SYN3: variants seen among roughly 807,000 people sequenced by gnomAD.
SYN3 encodes synapsin-3.
Under a neutral mutation model 65.8 loss-of-function variants are expected in SYN3, and 35 were observed. That is an observed-to-expected ratio of 0.53 (90% CI 0.41 to 0.70). The LOEUF (loss-of-function observed/expected upper bound fraction) is 0.70, where lower values mean the gene tolerates loss of function less well. Ranked by LOEUF, SYN3 falls within the 30% of genes least tolerant of loss-of-function variation. The pLI is 0.00. For missense variants in SYN3, 680 were observed against 749.0 expected, an observed-to-expected ratio of 0.91 and a Z score of 1.08; for synonymous variants, 270 against 292.9, an observed-to-expected ratio of 0.92 and a Z score of 0.80.
At chr22:32,632,845 G>A (rs2059764544) in intron 6 of SYN3, among the ~76,000 whole-genome samples, 1 of 152,188 alleles carries the variant, frequency 6.6e-6, no homozygotes, top group Non-Finnish European at 1.5e-5. Context: ...ACGCATACAG[G>A]GTTTGCAAGA....
intron 7 of SYN3, 39 bp from the exon 8 acceptor site, chr22:32,541,752 C>CGCG: frequency 6.2e-7 from 1 of 1,601,824 alleles, no homozygotes. Context: ...CCACCCACCC[C>CGCG]GTGTTCACTG....
At chr22:32,692,639 T>C (rs1261992839) in intron 6 of SYN3, among the ~76,000 whole-genome samples, 2 of 152,162 alleles carry the variant, frequency 1.3e-5, no homozygotes, top group African/African-American at 2.4e-5. Context: ...CCTCAAAAAA[T>C]GACAGCCATT....
chr22:32,765,541 G>A (rs1196087551), intron 6 of SYN3, among the ~76,000 whole-genome samples: 1 of 152,270 alleles, frequency 6.6e-6, no homozygotes, highest in East Asian at 1.9e-4. Flanking sequence ...GGGTGGTGAC[G>A]ATAATGAGAA....
intron 6 of SYN3, among the ~76,000 whole-genome samples, chr22:32,617,501 G>A (rs1601769643): frequency 6.6e-6 from 1 of 150,738 alleles, no homozygotes; most frequent in East Asian, 1.9e-4. Context: ...AAGAGAGAGA[G>A]CCCCTTGTTC....
At chr22:32,716,812 C>T (rs947832606) in intron 6 of SYN3, among the ~76,000 whole-genome samples, 5 of 152,174 alleles carry the variant, frequency 3.3e-5, no homozygotes, top group Non-Finnish European at 5.9e-5. Flanking sequence ...TGTGAGCCAA[C>T]ACGCCCTCTC....
intron 4 of SYN3, among the ~76,000 whole-genome samples, chr22:32,916,784 T>C (rs971244974): frequency 1.3e-5 from 2 of 152,188 alleles, no homozygotes; most frequent in Non-Finnish European, 2.9e-5. Context: ...ATTATTCACA[T>C]CACGAAAGGT....
intron 6 of SYN3, among the ~76,000 whole-genome samples, chr22:32,827,449 C>T (rs985076794): frequency 6.6e-6 from 1 of 152,236 alleles, no homozygotes; most frequent in Non-Finnish European, 1.5e-5. Context: ...CCTACTTGTA[C>T]AAATGGATTT....
At chr22:32,767,822 C>T (rs56228180) in intron 6 of SYN3, among the ~76,000 whole-genome samples, 1,969 of 152,284 alleles carry the variant, frequency 0.013, 19 homozygotes, top group Non-Finnish European at 0.021. Flanking sequence ...CTTGGGGACT[C>T]TTCTCTACCA....
intron 3 of SYN3, among the ~76,000 whole-genome samples, chr22:32,946,309 T>G (rs1332331697): frequency 6.6e-6 from 1 of 152,044 alleles, no homozygotes; most frequent in Non-Finnish European, 1.5e-5. Context: ...CCATCAATGA[T>G]AGACTGGATT....
intron 6 of SYN3, among the ~76,000 whole-genome samples, chr22:32,808,879 T>C (rs1467891120): frequency 6.6e-6 from 1 of 152,160 alleles, no homozygotes; most frequent in East Asian, 1.9e-4. Context: ...AGAAAGAACT[T>C]AGGGCTGCGT....
At chr22:32,596,772 C>T in intron 6 of SYN3, 36 bp from the exon 7 acceptor site, 1 of 1,604,354 alleles carries the variant, frequency 6.2e-7, no homozygotes, top group Non-Finnish European at 8.5e-7. Context: ...CTTAACATCT[C>T]AGAGCATTGC....
Position 32,518,151 on chromosome 22 carries a change from T to G in SYN3, c.1502A>C (p.Lys501Thr), listed in dbSNP as rs2057810299. Reference sequence around the variant, plus strand: ...CTGTGAGGCGAGGGTGGCACCTGGCTTGGAGGCCTGGTTTGGGGAGCTGCC... The same window carrying G: ...CTGTGAGGCGAGGGTGGCACCTGGCGTGGAGGCCTGGTTTGGGGAGCTGCC... ...SSGSSPNQAS[K>T]PGATLASQPR... Residue 501 changes from lysine to threonine, a missense_variant, in exon 13 of 14, where the codon AAG (lysine) becomes ACG (threonine). Lys to Thr is a moderately conservative substitution (Grantham distance 78, BLOSUM62 -1). Transcript: ENST00000358763. 1 of 1,611,972 alleles carries G rather than the reference T, an allele frequency of 6.2e-7. No homozygotes were observed. Among genetic ancestry groups the G allele is most frequent in the Non-Finnish European group, 8.5e-7 (1 of 1,179,098 alleles).
chr22:32,541,185 T>C (rs2058248053), intron 8 of SYN3, among the ~76,000 whole-genome samples: 1 of 152,188 alleles, frequency 6.6e-6, no homozygotes, highest in Non-Finnish European at 1.5e-5. Context: ...GTCACCTTTT[T>C]ATAAACACAG....
At chr22:32,805,027 G>A (rs112068157) in intron 6 of SYN3, among the ~76,000 whole-genome samples, 3 of 4,958 alleles carry the variant, frequency 6.1e-4, no homozygotes, top group Non-Finnish European at 1.2e-3. Context: ...GCGTGTGTGC[G>A]TGTGTGTGTG....
rs2057659857 is a variant in SYN3, at chr22:32,508,774, C to A, written c.*4918G>T. 6.6e-6 allele frequency among the ~76,000 whole-genome samples: 1 copy of A among 152,218 alleles called. No homozygotes were observed. Among genetic ancestry groups the A allele is most frequent in the South Asian group, 2.1e-4 (1 of 4,836 alleles). The stretch of plus-strand genomic sequence containing the variant: ...TTCATAGTTTTCTAGGAGGGCTGAG[C>A]TAAAACATGTCCTGAACACCTGCTG... On this transcript the variant is annotated 3_prime_UTR_variant, in exon 14 of 14. Coordinates refer to ENST00000358763, the MANE Select transcript of SYN3 (RefSeq NM_003490.4).
intron 6 of SYN3, among the ~76,000 whole-genome samples, chr22:32,625,076 C>T (rs1030782899): frequency 3.3e-5 from 5 of 152,174 alleles, no homozygotes; most frequent in Non-Finnish European, 7.3e-5. Flanking sequence ...TTGGCATACC[C>T]AGCACTTTCT....
At chr22:33,015,849 T>C (rs540521773) in intron 1 of SYN3, among the ~76,000 whole-genome samples, 3 of 150,634 alleles carry the variant, frequency 2.0e-5, no homozygotes, top group Non-Finnish European at 3.0e-5. Flanking sequence ...TCTTTTCTTT[T>C]TTTTTTTTTT....
intron 3 of SYN3, among the ~76,000 whole-genome samples, chr22:32,964,692 G>A (rs947959129): frequency 1.3e-5 from 2 of 152,096 alleles, no homozygotes; most frequent in Non-Finnish European, 2.9e-5. Flanking sequence ...GCTGAAGGAC[G>A]AAATATGTTG....
At chr22:32,716,513 A>G (rs1443004779) in intron 6 of SYN3, among the ~76,000 whole-genome samples, 1 of 151,986 alleles carries the variant, frequency 6.6e-6, no homozygotes, top group Non-Finnish European at 1.5e-5. Context: ...GGCCCCATCA[A>G]ATAATAACAT....
Sources: gnomAD v4.1 joint callset for allele counts (sites outside exome capture counted in the v4.1 genomes callset) on GRCh38, gnomAD v4.1.1 for gene constraint, MANE v1.5 for transcripts, NCBI Gene and HGNC (gene_info 2026-07-23, HGNC 2026-07-21) for gene names.